CCDC80: variants seen among roughly 807,000 people sequenced by gnomAD.
CCDC80 encodes coiled-coil domain-containing protein 80.
In CCDC80, 49 loss-of-function variants were observed where a neutral mutation model predicts 78.7. That is an observed-to-expected ratio of 0.62 (90% CI 0.50 to 0.79). The LOEUF is 0.79. Ranked by LOEUF, CCDC80 falls within the 30% of genes least tolerant of loss-of-function variation. The probability of loss-of-function intolerance (pLI) is 0.00; values close to 1 mark genes in which losing one functional copy is unlikely to be tolerated. For synonymous variants in CCDC80, 488 were observed against 447.0 expected, an observed-to-expected ratio of 1.09 and a Z score of -1.16; for missense variants, 1,205 against 1,198.6, an observed-to-expected ratio of 1.01 and a Z score of -0.08.
chr3:112,612,125 G>A (rs1308134520), intron 5 of CCDC80, among the ~76,000 whole-genome samples: 1 of 150,898 alleles, frequency 6.6e-6, no homozygotes, highest in African/African-American at 2.4e-5. Flanking sequence ...CTGGCACAAA[G>A]GACAAGAAAG....
chr3:112,610,108 A>T (rs1935595115), intron 5 of CCDC80, 27 bp from the exon 6 acceptor site: 1 of 1,559,198 alleles, frequency 6.4e-7, no homozygotes, highest in Admixed American at 1.7e-5. Context: ...GGACACCATT[A>T]CTGCTTACTG....
rs1936326554 is a variant in CCDC80 at position 112,640,908 on chromosome 3, C to CTT, written c.-595_-594dup. On this transcript the variant is annotated 5_prime_UTR_variant, in exon 1 of 8. Transcript: ENST00000206423. ...TTCTTTCACTGTGCTTCTCTCCTCC[C>CTT]TTTATTTCTCCCTACCTTTTTCCTC... The CTT allele has an allele frequency of 6.6e-6, 1 of 152,226 alleles. No individual in the cohort carries two copies. Among genetic ancestry groups the CTT allele is most frequent in the South Asian group, 2.1e-4 (1 of 4,834 alleles). 9.4% of individuals were successfully genotyped at this position (152,226 alleles called of 1,614,324 possible).
At chr3:112,630,071 A>G in intron 3 of CCDC80, 42 bp downstream of exon 3, 1 of 1,580,006 alleles carries the variant, frequency 6.3e-7, no homozygotes, top group East Asian at 2.3e-5. Context: ...CCCACCTTAG[A>G]TATGAGAAAA....
chr3:112,612,248 C>A (rs1033084092), intron 5 of CCDC80, among the ~76,000 whole-genome samples: 2 of 152,068 alleles, frequency 1.3e-5, no homozygotes, highest in Non-Finnish European at 2.9e-5. Context: ...CATGCCAGAC[C>A]AGCGCTGGCC....
chr3:112,612,865 A>AT (rs5851854), intron 5 of CCDC80, among the ~76,000 whole-genome samples: 15,386 of 129,700 alleles, frequency 0.12, 1,769 homozygotes, highest in African/African-American at 0.31. Context: ...CAGGACTGTA[A>AT]TTTTTTTTTT....
rs1241270556 is a variant in CCDC80 at position 112,600,863 on chromosome 3, T to C, written c.*4554A>G. 6.6e-6 allele frequency: 1 copy of C among 152,160 alleles called. No homozygotes were observed. The highest frequency in any genetic ancestry group is 1.9e-4 in the East Asian group (1 of 5,194). The allele number at this position is 152,160 out of a possible 1,614,324, so 9.4% of individuals were successfully genotyped here. ...TGATTTGGGTCCTTTACTTAGAAAT[T>C]GTCATCACACAATTTCAGAAAGGTA... On this transcript the variant is annotated 3_prime_UTR_variant, in exon 8 of 8. Coordinates refer to ENST00000206423, the MANE Select transcript of CCDC80 (RefSeq NM_199511.3).
intron 3 of CCDC80, among the ~76,000 whole-genome samples, chr3:112,621,329 A>C (rs1289433395): frequency 6.6e-6 from 1 of 152,168 alleles, no homozygotes; most frequent in African/African-American, 2.4e-5. Context: ...GGTTTAGTCA[A>C]GCCAAGTTAC....
intron 6 of CCDC80, among the ~76,000 whole-genome samples, 186 bp from the exon 7 acceptor site, chr3:112,607,442 A>C (rs1195113801): frequency 3.3e-5 from 5 of 152,222 alleles, no homozygotes; most frequent in Non-Finnish European, 5.9e-5. Context: ...CAAAACCTCA[A>C]AGAAGATGAA....
intron 5 of CCDC80, among the ~76,000 whole-genome samples, chr3:112,615,851 A>T (rs1254113744): frequency 6.6e-6 from 1 of 152,190 alleles, no homozygotes; most frequent in Non-Finnish European, 1.5e-5. Flanking sequence ...TATATGGTCT[A>T]AAAAGGAGAG....
In CCDC80 at chr3:112,599,556, G is replaced by T. The variant is rs1264520593; in HGVS notation, c.*5861C>A. On this transcript the variant is annotated 3_prime_UTR_variant, in exon 8 of 8. Transcript: ENST00000206423. ...CAGGGAGCGAAACGAACAGAGAAAC[G>T]AACAGAGGTTTTTTCCAAGGGCCTT... 1 of 152,390 alleles carries T rather than the reference G, an allele frequency of 6.6e-6. No homozygotes were observed. The highest frequency in any genetic ancestry group is 6.5e-5 in the Admixed American group (1 of 15,276). The allele number at this position is 152,390 out of a possible 1,614,324, so 9.4% of individuals were successfully genotyped here. A position where few individuals can be genotyped will look rare whatever the true frequency, so the allele number is the denominator to read the frequency against.
Position 112,638,637 on chromosome 3 carries a change from G to A in CCDC80, c.1269C>T (p.His423=). Residue 423 remains histidine (H), a synonymous_variant, in exon 2 of 8, where the codon CAC becomes CAT. Transcript: ENST00000206423. The part of the protein sequence containing the change: ...NLYPPSRKDQ[H]RERPQTTRRP... Reference sequence around the variant, plus strand: ...TCCTGGTTGTCTGTGGCCTCTCCCTGTGCTGATCCTTCCGGGATGGAGGGT... The same window carrying A: ...TCCTGGTTGTCTGTGGCCTCTCCCTATGCTGATCCTTCCGGGATGGAGGGT... The A allele has an allele frequency of 6.2e-7, 1 of 1,614,062 alleles. No homozygotes were observed. The highest frequency in any genetic ancestry group is 8.5e-7 in the Non-Finnish European group (1 of 1,180,030).
rs754571897 is a variant in CCDC80 at position 112,638,339 on chromosome 3, C to T, written c.1567G>A (p.Glu523Lys). Residue 523 changes from glutamate (E) to lysine (K), a missense_variant, in exon 2 of 8, where the codon GAG becomes AAG. By Grantham distance (56) the Glu-to-Lys change is moderately conservative. Coordinates refer to ENST00000206423, the MANE Select transcript of CCDC80 (RefSeq NM_199511.3). ...SRPTASQLED[E>K]LQVGNVPLKK... is the part of the protein sequence containing the mutation. Reference sequence around the variant, plus strand: ...AGGGGAACATTCCCCACCTGCAGCTCGTCCTCCAGCTGAGAGGCAGTAGGC... The same window carrying T: ...AGGGGAACATTCCCCACCTGCAGCTTGTCCTCCAGCTGAGAGGCAGTAGGC... 8.1e-6 allele frequency: 13 copies of T among 1,614,140 alleles called. No individual in the cohort carries two copies. The highest frequency in any genetic ancestry group is 1.6e-4 in the Middle Eastern group (1 of 6,062).
chr3:112,611,358 G>C (rs547014034), intron 5 of CCDC80, among the ~76,000 whole-genome samples: 3 of 152,188 alleles, frequency 2.0e-5, no homozygotes, highest in Non-Finnish European at 4.4e-5. Context: ...TCTGGGTGTA[G>C]AACTTTATCC....
rs769934632 is a variant in CCDC80, at chr3:112,605,541, C to T, written c.2729G>A (p.Gly910Glu). The change falls in exon 8 of 8, where the codon GGG becomes GAG. Residue 910 changes from glycine (G) to glutamate (E), a missense_variant. Gly to Glu is a moderately conservative substitution (Grantham distance 98). Transcript: ENST00000206423. The stretch of plus-strand genomic sequence containing the variant: ...ATACTCATCTTCTGGGCAGCGCATC[C>T]CCAGTGACTGCTGAATCGCCATTTC... ...RQEMAIQQSL[G>E]MRCPEDEYAG... The T allele has an allele frequency of 1.2e-6, 2 of 1,614,032 alleles. No individual in the cohort carries two copies. Among genetic ancestry groups the T allele is most frequent in the African/African-American group, 2.7e-5 (2 of 74,896 alleles).
At chr3:112,608,488 G>A (rs36045008) in intron 6 of CCDC80, among the ~76,000 whole-genome samples, 6,364 of 152,144 alleles carry the variant, frequency 0.042, 245 homozygotes, top group Admixed American at 0.11. Context: ...TGACTTGTTC[G>A]CATTTTGGGT....
At chr3:112,622,838 T>A (rs1442610225) in intron 3 of CCDC80, among the ~76,000 whole-genome samples, 1 of 142,430 alleles carries the variant, frequency 7.0e-6, no homozygotes, top group African/African-American at 2.8e-5. Context: ...TTTTTTTTTT[T>A]TTTTTTTTTG....
rs73853930 is a variant in CCDC80, at chr3:112,628,641, C to G, written c.2035+1472G>C. ...ACCCTGGATTTAAATCTGTCTGTCT[C>G]CAGAATTCATTTTGTGTCTTTTGTT... On this transcript the variant is annotated intron_variant, in intron 3 of 7. Transcript: ENST00000206423. 2.7e-3 allele frequency among the ~76,000 whole-genome samples: 414 copies of G among 152,256 alleles called. 3 individuals are homozygous for G. The highest frequency in any genetic ancestry group is 0.01 in the Middle Eastern group (3 of 294).
intron 6 of CCDC80, 78 bp from the exon 7 acceptor site, chr3:112,607,334 C>A: frequency 1.0e-6 from 1 of 1,002,962 alleles, no homozygotes; most frequent in Non-Finnish European, 1.5e-6. Flanking sequence ...TGATATCTGA[C>A]AATTAAAAAT....
At position 112,638,196 on chromosome 3, in the gene CCDC80, C is replaced by T. The variant is rs146203552; in HGVS notation, c.1710G>A (p.Lys570=). Residue 570 remains lysine, a synonymous_variant, in exon 2 of 8, where the codon AAG becomes AAA. Coordinates refer to ENST00000206423, the MANE Select transcript of CCDC80 (RefSeq NM_199511.3). ...DKLLKSEKQM[K]KSEKKSKQEK... ...CTTGCTTGCTCTTTTTCTCAGACTT[C>T]TTCATTTGCTTTTCACTCTTAAGTA... 146 of 1,612,996 alleles carry T rather than the reference C, an allele frequency of 9.1e-5. No individual in the cohort carries two copies. The East Asian group carries it at 2.5e-3, about 28-fold the overall frequency.
Sources: allele counts gnomAD v4.1 joint callset (sites outside exome capture counted in the v4.1 genomes callset), GRCh38; gene constraint gnomAD v4.1.1; transcripts MANE v1.5; gene names NCBI Gene and HGNC (gene_info 2026-07-23, HGNC 2026-07-21).